The following CRMP1 variants were observed in gnomAD, a reference collection of about 807,000 sequenced individuals.
CRMP1 encodes dihydropyrimidinase-related protein 1.
A neutral mutation model predicts 68.3 loss-of-function variants in CRMP1; 19 were observed. The ratio of observed to expected loss-of-function variants is 0.28; its 90% CI spans 0.19 to 0.41. The LOEUF (loss-of-function observed/expected upper bound fraction) is 0.41, where lower values mean the gene tolerates loss of function less well. Among genes scored for constraint, CRMP1 ranks in the 10% least tolerant of loss-of-function variants. The probability of loss-of-function intolerance (pLI) is 1.00; values close to 1 mark genes in which losing one functional copy is unlikely to be tolerated. For missense variants in CRMP1, 791 were observed against 967.4 expected (o/e 0.82, Z 2.42); for synonymous variants, 439 against 399.6 (o/e 1.10, Z -1.18).
chr4:5,832,523 A>C (rs1456585587), intron 11 of CRMP1, among the ~76,000 whole-genome samples: 1 of 152,246 alleles, frequency 6.6e-6, no homozygotes, highest in Non-Finnish European at 1.5e-5. Context: ...GTTAAAAGTA[A>C]CATTTTTTTA....
chr4:5,828,582 G>A lies in CRMP1; in HGVS notation c.1710C>T (p.Asp570=), dbSNP rs146365732. The A allele has an allele frequency of 2.2e-5, 36 of 1,614,072 alleles. No individual in the cohort carries two copies. Among genetic ancestry groups the A allele is most frequent in the Middle Eastern group, 1.6e-4 (1 of 6,084 alleles). ...TGCCCTTGTTGACGTTGATGTTTCC[G>A]TCTTCAAAGACGATCTTGCCCTGGC... ...VISQGKIVFE[D]GNINVNKGMG... is the part of the protein sequence containing the mutation. The change falls in exon 12 of 14, where the codon GAC becomes GAT. Residue 570 remains aspartate (D), a synonymous_variant. Coordinates refer to ENST00000324989, the MANE Select transcript of CRMP1 (RefSeq NM_001014809.3).
At chr4:5,837,956 GA>G (rs1344358661) in intron 9 of CRMP1, among the ~76,000 whole-genome samples, 1 of 152,204 alleles carries the variant, frequency 6.6e-6, no homozygotes, top group East Asian at 1.9e-4. Context: ...AGGGATGGGG[GA>G]GACTGGCAAT....
intron 9 of CRMP1, 38 bp downstream of exon 9, chr4:5,839,484 A>T (rs758637291): frequency 2.5e-6 from 4 of 1,573,998 alleles, no homozygotes; most frequent in Non-Finnish European, 3.4e-6. Context: ...CAAAGGCCCC[A>T]GCTGCCTCCC....
intron 11 of CRMP1, among the ~76,000 whole-genome samples, chr4:5,833,072 G>A (rs1275178376): frequency 6.6e-6 from 1 of 152,026 alleles, no homozygotes; most frequent in Non-Finnish European, 1.5e-5. Flanking sequence ...GACGCTAGAA[G>A]AGTGGCCTGG....
intron 3 of CRMP1, 38 bp from the exon 4 acceptor site, chr4:5,856,345 C>G: frequency 3.8e-6 from 6 of 1,598,228 alleles, no homozygotes; most frequent in Non-Finnish European, 5.1e-6. Flanking sequence ...GCTTCAGACT[C>G]AAGTGTTCCA....
At chr4:5,829,067 G>C (rs890011671) in intron 11 of CRMP1, among the ~76,000 whole-genome samples, 1 of 152,094 alleles carries the variant, frequency 6.6e-6, no homozygotes, top group Non-Finnish European at 1.5e-5. Flanking sequence ...ATTACTGGGT[G>C]AAAGAATAGA....
chr4:5,829,228 T>C (rs1384755130), intron 11 of CRMP1, among the ~76,000 whole-genome samples: 2 of 152,222 alleles, frequency 1.3e-5, no homozygotes, highest in Middle Eastern at 6.8e-3. Context: ...ACATTTCCTT[T>C]AAAACACACA....
intron 11 of CRMP1, among the ~76,000 whole-genome samples, chr4:5,828,973 G>T (rs991123945): frequency 1.3e-5 from 2 of 152,014 alleles, no homozygotes; most frequent in Admixed American, 6.6e-5. Flanking sequence ...GACTGTACTG[G>T]ACATAAAAAT....
At chr4:5,876,180 ACTT>A (rs1714817219) in intron 1 of CRMP1, among the ~76,000 whole-genome samples, 1 of 152,026 alleles carries the variant, frequency 6.6e-6, no homozygotes. Context: ...TTGTTTCAAA[ACTT>A]CTTCTTTTGG....
intron 1 of CRMP1, among the ~76,000 whole-genome samples, chr4:5,880,520 C>T (rs1715156575): frequency 6.6e-6 from 1 of 152,190 alleles, no homozygotes; most frequent in African/African-American, 2.4e-5. Flanking sequence ...AGTTCCAACA[C>T]CAGGTCATTA....
chr4:5,836,153 C>T (rs1720710479), intron 10 of CRMP1, 68 bp from the exon 11 acceptor site: 4 of 1,316,660 alleles, frequency 3.0e-6, no homozygotes, highest in African/African-American at 3.0e-5. Flanking sequence ...CAGCTGGGCA[C>T]AAATGGAAGA....
At chr4:5,869,828 G>A (rs900828273) in intron 1 of CRMP1, among the ~76,000 whole-genome samples, 1 of 152,126 alleles carries the variant, frequency 6.6e-6, no homozygotes, top group African/African-American at 2.4e-5. Context: ...TGGAGGGAGG[G>A]TATCCTGTTC....
chr4:5,889,631 C>T lies in CRMP1; in HGVS notation c.381+2958G>A. The T allele has an allele frequency of 1.3e-6, 2 of 1,536,180 alleles. No individual in the cohort carries two copies. The highest frequency in any genetic ancestry group is 4.9e-5 in the East Asian group (2 of 40,920). ...GGCAGAATAAAACACCAACCTTGTC[C>T]ACCACTTCGTTGTTCATTTTCTGCA... On this transcript the variant is annotated intron_variant, in intron 1 of 13. Coordinates refer to ENST00000324989, the MANE Select transcript of CRMP1 (RefSeq NM_001014809.3). The surrounding 1 kb of genome is among the most constrained non-coding windows in gnomAD (Gnocchi z 4.5).
At chr4:5,868,437 A>G (rs549142083) in intron 1 of CRMP1, among the ~76,000 whole-genome samples, 163 of 151,304 alleles carry the variant, frequency 1.1e-3, no homozygotes, top group African/African-American at 3.7e-3. Flanking sequence ...GAGTAGCTGG[A>G]ACTACAGGTA....
intron 11 of CRMP1, among the ~76,000 whole-genome samples, chr4:5,829,157 C>A (rs1039934589): frequency 6.6e-6 from 1 of 152,176 alleles, no homozygotes; most frequent in African/African-American, 2.4e-5. Flanking sequence ...TCGGCACTTA[C>A]CCCCTCCAGC....
intron 3 of CRMP1, 40 bp from the exon 4 acceptor site, chr4:5,856,347 AGT>A: frequency 6.3e-7 from 1 of 1,596,672 alleles, no homozygotes; most frequent in Non-Finnish European, 8.6e-7. Context: ...TTCAGACTCA[AGT>A]GTTCCAATGG....
At chr4:5,827,564 A>G (rs1719831799) in intron 12 of CRMP1, among the ~76,000 whole-genome samples, 1 of 152,180 alleles carries the variant, frequency 6.6e-6, no homozygotes, top group Non-Finnish European at 1.5e-5. Context: ...AGGACCACAC[A>G]GGTACACACA....
In CRMP1 at chr4:5,889,651, T is replaced by G. The variant is rs1442807704; in HGVS notation, c.381+2938A>C. On this transcript the variant is annotated intron_variant, in intron 1 of 13. Transcript: ENST00000324989. The surrounding 1 kb of genome is among the most constrained non-coding windows in gnomAD (Gnocchi z 4.5). ...TTGTCCACCACTTCGTTGTTCATTT[T>G]CTGCATGCGAAATCCAACCCCACAG... 6.5e-7 allele frequency: 1 copy of G among 1,536,082 alleles called. No homozygotes were observed. Among genetic ancestry groups the G allele is most frequent in the African/African-American group, 1.4e-5 (1 of 73,054 alleles).
At chr4:5,882,747 A>C (rs115902843) in intron 1 of CRMP1, among the ~76,000 whole-genome samples, 1,704 of 152,332 alleles carry the variant, frequency 0.011, 27 homozygotes, top group African/African-American at 0.038. Flanking sequence ...TAATAACAGC[A>C]TCTTACCTCA....
Sources: allele counts gnomAD v4.1 joint callset (sites outside exome capture counted in the v4.1 genomes callset), GRCh38; gene constraint gnomAD v4.1.1; non-coding constraint Gnocchi (gnomAD v3.1); transcripts MANE v1.5; gene names NCBI Gene and HGNC (gene_info 2026-07-23, HGNC 2026-07-21).